Variants in FAAP20 observed in about 807,000 individuals in gnomAD.
The protein encoded by FAAP20 is FA core complex associated protein 20.
A neutral mutation model predicts 16.2 loss-of-function variants in FAAP20; 12 were observed. That is an observed-to-expected ratio of 0.74 (90% CI 0.48 to 1.20). FAAP20 has a LOEUF of 1.20. Among genes scored for constraint, FAAP20 ranks in the 50% most tolerant of loss-of-function variants. The probability of loss-of-function intolerance (pLI) is 0.00; values close to 1 mark genes in which losing one functional copy is unlikely to be tolerated. For missense variants in FAAP20, 288 were observed against 245.8 expected (o/e 1.17, Z -1.15); for synonymous variants, 141 against 110.7 (o/e 1.27, Z -1.72).
At chr1:2,205,045 C>T (rs1365429761) in intron 3 of FAAP20, among the ~76,000 whole-genome samples, 13 of 92,982 alleles carry the variant, frequency 1.4e-4, no homozygotes, top group Non-Finnish European at 4.5e-5. Flanking sequence ...CACGAGGCTC[C>T]CTCACGCCCC....
intron 1 of FAAP20, 136 bp from the exon 2 acceptor site, chr1:2,194,269 G>A: frequency 3.2e-6 from 4 of 1,235,764 alleles, no homozygotes; most frequent in Non-Finnish European, 4.4e-6. Context: ...GCGGGAGGTG[G>A]CCGGCAGGGT....
downstream of FAAP20, among the ~76,000 whole-genome samples, chr1:2,208,876 G>A (rs924010387): frequency 1.3e-5 from 2 of 152,192 alleles, no homozygotes; most frequent in African/African-American, 4.8e-5. Flanking sequence ...GTTTTGAATC[G>A]ATTCCGCTTA....
At chr1:2,199,502 G>A (rs1157384303), upstream of FAAP20, 1 of 988,460 alleles carries the variant, frequency 1.0e-6, no homozygotes, top group African/African-American at 1.7e-5. This position sits in a 1 kb window ranked among gnomAD's most constrained non-coding sequence, Gnocchi z 4.5. Context: ...GCGGTCCTGT[G>A]TGCTCTGTTC....
chr1:2,212,020 A>C (rs943039071), downstream of FAAP20, among the ~76,000 whole-genome samples: 2 of 147,414 alleles, frequency 1.4e-5, no homozygotes, highest in Admixed American at 1.4e-4. Context: ...CTCCTGCCTC[A>C]GCCTCCCGAG....
chr1:2,196,498 G>A (rs1688830351), upstream of FAAP20, among the ~76,000 whole-genome samples: 1 of 151,264 alleles, frequency 6.6e-6, no homozygotes, highest in Non-Finnish European at 1.5e-5. The surrounding 1 kb of genome is among the most constrained non-coding windows in gnomAD (Gnocchi z 4.5). Flanking sequence ...GGTGGGGGCT[G>A]CAGTGAGGCA....
intron 3 of FAAP20, chr1:2,192,550 C>T (rs770816153): frequency 1.0e-4 from 104 of 1,024,164 alleles, no homozygotes; most frequent in Non-Finnish European, 1.2e-4. Context: ...GGGGGCAGCA[C>T]CCTGACAGCA....
intron 3 of FAAP20, chr1:2,191,697 T>C: frequency 3.0e-6 from 1 of 338,506 alleles, no homozygotes; most frequent in Non-Finnish European, 4.2e-6. Context: ...GCCGAGATCA[T>C]GCCACTGCAC....
chr1:2,197,430 GCT>G (rs1006931047), upstream of FAAP20, among the ~76,000 whole-genome samples: 3 of 152,248 alleles, frequency 2.0e-5, no homozygotes, highest in Non-Finnish European at 4.4e-5. Flanking sequence ...TGCTTGGGAA[GCT>G]CTCGCTGCGG....
chr1:2,186,492 A>C (rs1404354333), downstream of FAAP20, among the ~76,000 whole-genome samples: 371 of 85,826 alleles, frequency 4.3e-3, no homozygotes, highest in African/African-American at 4.9e-3. Flanking sequence ...GACCCTGGAC[A>C]CCCGCCCCCC....
chr1:2,194,015 G>A lies in FAAP20; in HGVS notation c.181C>T (p.Pro61Ser), dbSNP rs773223703. 6.2e-7 allele frequency: 1 copy of A among 1,612,776 alleles called. No homozygotes were observed. The highest frequency in any genetic ancestry group is 8.5e-7 in the Non-Finnish European group (1 of 1,179,950). Residue 61 changes from proline to serine, a missense_variant, in exon 2 of 4, where the codon CCC (proline) becomes TCC (serine). Pro to Ser is a moderately conservative substitution (Grantham distance 74, BLOSUM62 -1). Transcript: ENST00000378546. ...LILDHEVPSL[P>S]AFPGQEPRCG... ...GGGCACACCTGTCCTGGGAAGGCGG[G>A]CAGTGAAGGCACCTCGTGATCCAGG...
At chr1:2,208,223 C>T (rs949012768), downstream of FAAP20, among the ~76,000 whole-genome samples, 1 of 152,050 alleles carries the variant, frequency 6.6e-6, no homozygotes, top group Non-Finnish European at 1.5e-5. Flanking sequence ...GAGCCCGGGG[C>T]CTTGGCTGCA....
chr1:2,185,233 T>C (rs771988830), downstream of FAAP20: 31 of 709,266 alleles, frequency 4.4e-5, 1 homozygote, highest in Admixed American at 8.0e-5. Context: ...CTTGCTGCTG[T>C]GCCTGCGTCG....
At chr1:2,211,416 TATATATATATATATATATA>T (rs1332309631), downstream of FAAP20, among the ~76,000 whole-genome samples, 2 of 23,734 alleles carry the variant, frequency 8.4e-5, no homozygotes, top group Non-Finnish European at 1.5e-4. Flanking sequence ...TATATATATA[TATATATATATATATATATA>T]TTTTTTTTTT....
intron 3 of FAAP20, chr1:2,192,815 G>T (rs1285292089): frequency 1.2e-5 from 14 of 1,176,658 alleles, no homozygotes; most frequent in African/African-American, 1.6e-5. Flanking sequence ...GCCCAGGCTG[G>T]TCTCAAACTC....
chr1:2,186,460 C>T (rs780728220), downstream of FAAP20, among the ~76,000 whole-genome samples: 9 of 151,606 alleles, frequency 5.9e-5, no homozygotes, highest in African/African-American at 1.9e-4. Context: ...GGCATACTGC[C>T]GGCCCATTCC....
intron 1 of FAAP20, among the ~76,000 whole-genome samples, 197 bp downstream of exon 1, chr1:2,194,491 G>A (rs1572119446): frequency 6.9e-6 from 1 of 145,416 alleles, no homozygotes; most frequent in Middle Eastern, 3.6e-3. Context: ...GGGCGGCGCG[G>A]GGGAAGCTCG....
At chr1:2,210,142 G>A (rs1361576747), downstream of FAAP20, among the ~76,000 whole-genome samples, 1 of 152,224 alleles carries the variant, frequency 6.6e-6, no homozygotes, top group African/African-American at 2.4e-5. Flanking sequence ...GGAGATGGGC[G>A]GCTCACCTGC....
Position 2,189,856 on chromosome 1 carries a change from G to C in FAAP20, c.471-75C>G, listed in dbSNP as rs1687977301. On this transcript the variant is annotated intron_variant, in intron 3 of 3. Coordinates refer to ENST00000378546, the MANE Select transcript of FAAP20 (RefSeq NM_182533.4). ...CGCAGAGAGCACCGTCTGGACCTCCGGGCCCTCTCTGCTCCTGCCGCTGGA... is the reference window on the plus strand; with the variant it reads ...CGCAGAGAGCACCGTCTGGACCTCCCGGCCCTCTCTGCTCCTGCCGCTGGA... 13 of 1,168,300 alleles carry C rather than the reference G, an allele frequency of 1.1e-5. 1 individual carries two copies. In the South Asian group the frequency reaches 1.4e-4, roughly 12 times the overall value. 72.4% of individuals were successfully genotyped at this position (1,168,300 alleles called of 1,614,324 possible).
At chr1:2,187,541 T>G (rs1405409699), downstream of FAAP20, among the ~76,000 whole-genome samples, 1 of 152,032 alleles carries the variant, frequency 6.6e-6, no homozygotes, top group Non-Finnish European at 1.5e-5. Flanking sequence ...TGACCTCAGG[T>G]GATCCACCTG....
Sources: allele counts gnomAD v4.1 joint callset (sites outside exome capture counted in the v4.1 genomes callset), GRCh38; gene constraint gnomAD v4.1.1; non-coding constraint Gnocchi (gnomAD v3.1); transcripts MANE v1.5; gene names NCBI Gene and HGNC (gene_info 2026-07-23, HGNC 2026-07-21).